SORCS1: variants seen among roughly 807,000 people sequenced by gnomAD.
SORCS1 encodes the protein VPS10 domain-containing receptor SorCS1.
Under a neutral mutation model 146.1 loss-of-function variants are expected in SORCS1, and 60 were observed. The observed-to-expected ratio is 0.41, with a 90% CI of 0.33 to 0.51. SORCS1 has a LOEUF of 0.51. SORCS1 is among the 20% of genes least tolerant of loss of function. The probability of loss-of-function intolerance (pLI) is 0.21; values close to 1 mark genes in which losing one functional copy is unlikely to be tolerated. For synonymous variants in SORCS1, 637 were observed against 584.0 expected, an observed-to-expected ratio of 1.09 and a Z score of -1.31; for missense variants, 1,352 against 1,487.6, an observed-to-expected ratio of 0.91 and a Z score of 1.50.
intron 1 of SORCS1, among the ~76,000 whole-genome samples, chr10:107,043,512 C>T (rs1009539035): frequency 1.3e-5 from 2 of 152,158 alleles, no homozygotes; most frequent in African/African-American, 4.8e-5. Flanking sequence ...CAAAGCAATA[C>T]AGTTTTTCTG....
chr10:106,815,771 T>C (rs1451793636), intron 3 of SORCS1, among the ~76,000 whole-genome samples: 1 of 152,102 alleles, frequency 6.6e-6, no homozygotes, highest in Non-Finnish European at 1.5e-5. Flanking sequence ...AGAAGGGAAA[T>C]ATAACTGCAG....
intron 18 of SORCS1, among the ~76,000 whole-genome samples, chr10:106,634,275 C>T (rs1204348197): frequency 6.6e-6 from 1 of 152,186 alleles, no homozygotes; most frequent in Non-Finnish European, 1.5e-5. Flanking sequence ...TCTTCAGTGC[C>T]TTAATGCAAC....
intron 1 of SORCS1, among the ~76,000 whole-genome samples, chr10:107,111,614 T>C (rs977912201): frequency 2.0e-5 from 3 of 152,150 alleles, no homozygotes; most frequent in Non-Finnish European, 4.4e-5. Context: ...AACTGTGTGA[T>C]TTCTGGAAGG....
chr10:106,910,963 G>A (rs1374159379), intron 2 of SORCS1, among the ~76,000 whole-genome samples: 1 of 152,094 alleles, frequency 6.6e-6, no homozygotes, highest in Non-Finnish European at 1.5e-5. Context: ...ATAATTACCT[G>A]GATTTGGAAG....
chr10:107,136,236 T>TC (rs1211395797), intron 1 of SORCS1, among the ~76,000 whole-genome samples: 1 of 152,220 alleles, frequency 6.6e-6, no homozygotes, highest in Non-Finnish European at 1.5e-5. Context: ...CCAAAGACTT[T>TC]TCACAGGAGT....
At chr10:106,705,818 G>T (rs1854477499) in intron 8 of SORCS1, among the ~76,000 whole-genome samples, 1 of 152,184 alleles carries the variant, frequency 6.6e-6, no homozygotes, top group Non-Finnish European at 1.5e-5. Flanking sequence ...ACAGCCTGGG[G>T]ATGTCAACAG....
At chr10:106,743,317 T>G (rs1459498502) in intron 5 of SORCS1, among the ~76,000 whole-genome samples, 1 of 152,104 alleles carries the variant, frequency 6.6e-6, no homozygotes, top group Non-Finnish European at 1.5e-5. Context: ...CTATGACTAT[T>G]CCACAGGGGT....
rs992636197 is a variant in SORCS1, at chr10:106,624,624, G to T, written c.2663-4063C>A. 5.3e-5 allele frequency among the ~76,000 whole-genome samples: 8 copies of T among 152,204 alleles called. No individual in the cohort carries two copies. The East Asian group carries it at 7.8e-4, about 15-fold the overall frequency. ...GATCTGCCTGACTCAGCCTCCCAAA[G>T]TGCTGGGATTACAGGCATGAGCCAC... On this transcript the variant is annotated intron_variant, in intron 19 of 25. Transcript: ENST00000263054.
chr10:106,950,391 A>C (rs1337441651), intron 2 of SORCS1, among the ~76,000 whole-genome samples: 1 of 152,176 alleles, frequency 6.6e-6, no homozygotes, highest in African/African-American at 2.4e-5. Context: ...CCTCAAGGGC[A>C]TTTGCCAGTT....
At chr10:106,954,136 C>A (rs992385633) in intron 2 of SORCS1, among the ~76,000 whole-genome samples, 1 of 152,242 alleles carries the variant, frequency 6.6e-6, no homozygotes, top group South Asian at 2.1e-4. Context: ...ACCTGCTCCT[C>A]AGGCCCTGCA....
At chr10:107,033,759 A>G (rs958611260) in intron 1 of SORCS1, among the ~76,000 whole-genome samples, 2 of 152,102 alleles carry the variant, frequency 1.3e-5, no homozygotes, top group African/African-American at 4.8e-5. Flanking sequence ...CTTGAGGCTT[A>G]TCGAAGTTTT....
intron 5 of SORCS1, among the ~76,000 whole-genome samples, chr10:106,748,745 C>A (rs1857931450): frequency 6.6e-6 from 1 of 152,218 alleles, no homozygotes; most frequent in East Asian, 1.9e-4. Flanking sequence ...TCTTCTTACA[C>A]CTGTGTGTGA....
At chr10:106,939,940 C>T (rs375817240) in intron 2 of SORCS1, among the ~76,000 whole-genome samples, 4 of 152,336 alleles carry the variant, frequency 2.6e-5, no homozygotes, top group Admixed American at 1.3e-4. Context: ...GAGCCAGGTC[C>T]GTAGTGGAGA....
chr10:107,015,890 T>C (rs1957876317), intron 1 of SORCS1, among the ~76,000 whole-genome samples: 1 of 152,258 alleles, frequency 6.6e-6, no homozygotes, highest in Non-Finnish European at 1.5e-5. Context: ...TGTAAATGAC[T>C]TGGATGATGG....
chr10:106,610,730 CA>C (rs1283688010), intron 22 of SORCS1, among the ~76,000 whole-genome samples: 2 of 152,174 alleles, frequency 1.3e-5, no homozygotes, highest in African/African-American at 4.8e-5. Context: ...CGCGTTTGCA[CA>C]ATAAGCTCAA....
intron 23 of SORCS1, among the ~76,000 whole-genome samples, chr10:106,605,767 G>A (rs1044983122): frequency 1.3e-5 from 2 of 152,182 alleles, no homozygotes; most frequent in African/African-American, 2.4e-5. Context: ...GGCTTTCCAT[G>A]AGAGCTCTGC....
At chr10:106,882,786 G>A (rs1235777737) in intron 2 of SORCS1, among the ~76,000 whole-genome samples, 2 of 152,128 alleles carry the variant, frequency 1.3e-5, no homozygotes, top group Non-Finnish European at 2.9e-5. Context: ...TAATAAGAAT[G>A]AGATTAACCA....
intron 1 of SORCS1, among the ~76,000 whole-genome samples, chr10:107,068,869 CAAAAA>C (rs397763642): frequency 8.1e-6 from 1 of 122,736 alleles, no homozygotes. Context: ...GACTCCGTCT[CAAAAA>C]AAAAAAAAAA....
chr10:107,057,632 T>C (rs1193977361), intron 1 of SORCS1, among the ~76,000 whole-genome samples: 1 of 152,236 alleles, frequency 6.6e-6, no homozygotes, highest in Non-Finnish European at 1.5e-5. Flanking sequence ...TCTCCCTCTT[T>C]CCTGCCCTCT....
Sources: gnomAD v4.1 joint callset for allele counts (sites outside exome capture counted in the v4.1 genomes callset) on GRCh38, gnomAD v4.1.1 for gene constraint, MANE v1.5 for transcripts, NCBI Gene and HGNC (gene_info 2026-07-23, HGNC 2026-07-21) for gene names.